Variants in CCSER1 observed in about 807,000 individuals in gnomAD.
CCSER1 encodes serine-rich coiled-coil domain-containing protein 1.
In CCSER1, 41 loss-of-function variants were observed where a neutral mutation model predicts 82.0. That is an observed-to-expected ratio of 0.50 (90% CI 0.39 to 0.65). The LOEUF (loss-of-function observed/expected upper bound fraction) is 0.65. Among genes scored for constraint, CCSER1 ranks in the 30% least tolerant of loss-of-function variants. The pLI is 0.00. For missense variants in CCSER1, 1,119 were observed against 1,064.2 expected, an observed-to-expected ratio of 1.05 and a Z score of -0.72; for synonymous variants, 414 against 383.9, an observed-to-expected ratio of 1.08 and a Z score of -0.92.
intron 4 of CCSER1, among the ~76,000 whole-genome samples, chr4:90,460,929 C>G (rs1560552676): frequency 1.3e-5 from 2 of 152,118 alleles, no homozygotes; most frequent in South Asian, 4.1e-4. Context: ...TTTTTCCCCT[C>G]TAGTCCACTA....
chr4:91,253,214 T>G (rs1029835337), intron 10 of CCSER1, among the ~76,000 whole-genome samples: 2 of 152,208 alleles, frequency 1.3e-5, no homozygotes, highest in African/African-American at 4.8e-5. Context: ...GATGATCTAC[T>G]GCCACTCAAA....
chr4:90,629,018 T>G (rs777622558), intron 6 of CCSER1, among the ~76,000 whole-genome samples: 1 of 152,182 alleles, frequency 6.6e-6, no homozygotes, highest in Non-Finnish European at 1.5e-5. Context: ...GTCTTTGTAT[T>G]ACATCCTATT....
chr4:91,405,487 C>T (rs1463396487), intron 10 of CCSER1, among the ~76,000 whole-genome samples: 1 of 152,180 alleles, frequency 6.6e-6, no homozygotes, highest in African/African-American at 2.4e-5. Context: ...AGAGCTTCTG[C>T]ACAGCAAAAG....
At chr4:91,293,621 C>T (rs376622426) in intron 10 of CCSER1, among the ~76,000 whole-genome samples, 4 of 151,848 alleles carry the variant, frequency 2.6e-5, no homozygotes, top group Admixed American at 6.6e-5. Context: ...ATTCAATGCA[C>T]GTTTTGAAGT....
At chr4:91,051,955 A>G (rs1743043234) in intron 9 of CCSER1, among the ~76,000 whole-genome samples, 1 of 152,108 alleles carries the variant, frequency 6.6e-6, no homozygotes, top group South Asian at 2.1e-4. Flanking sequence ...TTAAAAATCT[A>G]CCACAGTAAG....
At chr4:91,003,107 A>G (rs946456126) in intron 9 of CCSER1, among the ~76,000 whole-genome samples, 1 of 152,140 alleles carries the variant, frequency 6.6e-6, no homozygotes, top group Non-Finnish European at 1.5e-5. Flanking sequence ...AACCATCTGC[A>G]GGTCTCATAG....
At chr4:91,467,179 C>G (rs1756964176) in intron 10 of CCSER1, among the ~76,000 whole-genome samples, 1 of 152,098 alleles carries the variant, frequency 6.6e-6, no homozygotes, top group South Asian at 2.1e-4. Context: ...TGGAACAGAA[C>G]AGAGCCCTCA....
intron 8 of CCSER1, among the ~76,000 whole-genome samples, chr4:90,874,397 T>G (rs1322033605): frequency 6.6e-6 from 1 of 151,724 alleles, no homozygotes; most frequent in African/African-American, 2.4e-5. Context: ...TTGTGAAAAT[T>G]TGTTATGTCT....
chr4:90,661,669 T>C (rs1032227326), intron 6 of CCSER1, among the ~76,000 whole-genome samples: 2 of 152,190 alleles, frequency 1.3e-5, no homozygotes, highest in South Asian at 2.1e-4. Context: ...GTTTATGGAA[T>C]AACTCCAAAA....
intron 7 of CCSER1, among the ~76,000 whole-genome samples, chr4:90,754,906 C>A (rs545657794): frequency 1.1e-3 from 167 of 152,250 alleles, no homozygotes; most frequent in African/African-American, 4.0e-3. Flanking sequence ...GTCTGGGACC[C>A]TGAGTCCTAT....
At chr4:91,037,408 C>T (rs1223385075) in intron 9 of CCSER1, among the ~76,000 whole-genome samples, 2 of 152,156 alleles carry the variant, frequency 1.3e-5, no homozygotes, top group Non-Finnish European at 2.9e-5. Flanking sequence ...TTCCCCTGTC[C>T]TCCTTCTCTA....
At chr4:91,595,154 G>A (rs1246695616) in intron 10 of CCSER1, among the ~76,000 whole-genome samples, 2 of 151,860 alleles carry the variant, frequency 1.3e-5, no homozygotes, top group African/African-American at 4.8e-5. Context: ...GACTCCCACC[G>A]ACTTGCCTGA....
intron 10 of CCSER1, among the ~76,000 whole-genome samples, chr4:91,495,523 TAAAAAAA>T (rs564113241): frequency 7.3e-5 from 11 of 149,840 alleles, no homozygotes; most frequent in Non-Finnish European, 1.6e-4. Flanking sequence ...AATTTAAACT[TAAAAAAA>T]AAGCAATATG....
At chr4:90,827,071 C>T (rs1024937935) in intron 8 of CCSER1, among the ~76,000 whole-genome samples, 1 of 152,204 alleles carries the variant, frequency 6.6e-6, no homozygotes, top group African/African-American at 2.4e-5. Context: ...AAATCAACTT[C>T]TCAGCTCCTG....
At chr4:90,634,987 C>T (rs554291946) in intron 6 of CCSER1, among the ~76,000 whole-genome samples, 160 of 151,762 alleles carry the variant, frequency 1.1e-3, no homozygotes, top group African/African-American at 3.7e-3. Flanking sequence ...GAAAGCCATA[C>T]TTCATAATGG....
intron 10 of CCSER1, among the ~76,000 whole-genome samples, chr4:91,223,051 TG>T (rs998113850): frequency 1.6e-4 from 20 of 124,334 alleles, no homozygotes; most frequent in Admixed American, 1.4e-3. Context: ...TTTAAAATAA[TG>T]TTTTTTTCTT....
chr4:91,581,662 G>C (rs569387799), intron 10 of CCSER1, among the ~76,000 whole-genome samples: 2 of 151,708 alleles, frequency 1.3e-5, no homozygotes, highest in Non-Finnish European at 3.0e-5. Context: ...TCAGAGTCAG[G>C]AAAATGTTTC....
At chr4:90,152,355 C>T (rs1002865375) in intron 1 of CCSER1, among the ~76,000 whole-genome samples, 1 of 152,122 alleles carries the variant, frequency 6.6e-6, no homozygotes, top group South Asian at 2.1e-4. Flanking sequence ...TTGCCCTTAA[C>T]CTGAGGCCAG....
chr4:90,520,688 T>C (rs1028622382), intron 5 of CCSER1, among the ~76,000 whole-genome samples: 4 of 152,220 alleles, frequency 2.6e-5, no homozygotes, highest in African/African-American at 4.8e-5. Context: ...AGTTCTTTTA[T>C]GAAAGGTACT....
Sources: gnomAD v4.1 joint callset for allele counts (sites outside exome capture counted in the v4.1 genomes callset) on GRCh38, gnomAD v4.1.1 for gene constraint, MANE v1.5 for transcripts, NCBI Gene and HGNC (gene_info 2026-07-23, HGNC 2026-07-21) for gene names.